The following STAG1 variants were observed in gnomAD, a reference collection of about 807,000 sequenced individuals.
STAG1 encodes the protein STAG1 cohesin complex component.
In STAG1, 26 loss-of-function variants were observed where a neutral mutation model predicts 170.9. That is an observed-to-expected ratio of 0.15 (90% confidence interval 0.11 to 0.21). STAG1 has a LOEUF of 0.21. Among genes scored for constraint, STAG1 ranks in the 10% least tolerant of loss-of-function variants. The pLI, the probability that STAG1 is intolerant of heterozygous loss-of-function variation, is 1.00. For synonymous variants in STAG1, 514 were observed against 497.7 expected, an observed-to-expected ratio of 1.03 and a Z score of -0.44; for missense variants, 964 against 1,509.5, an observed-to-expected ratio of 0.64 and a Z score of 5.99.
At chr3:136,613,498 A>AT (rs909604738) in intron 3 of STAG1, among the ~76,000 whole-genome samples, 4 of 151,844 alleles carry the variant, frequency 2.6e-5, no homozygotes, top group African/African-American at 9.7e-5. Context: ...GTTAATAATT[A>AT]TTTTTTAAGA....
intron 21 of STAG1, among the ~76,000 whole-genome samples, chr3:136,402,150 G>C (rs533591941): frequency 6.6e-6 from 1 of 152,192 alleles, no homozygotes; most frequent in East Asian, 1.9e-4. Context: ...TAAGTTAAAA[G>C]GAAAATCAAT....
intron 13 of STAG1, 69 bp downstream of exon 13, chr3:136,464,812 T>C: frequency 2.2e-6 from 3 of 1,346,814 alleles, no homozygotes; most frequent in South Asian, 1.3e-5. Context: ...TACTCTCTTC[T>C]ACAAACTCTA....
chr3:136,430,816 C>T (rs1010573386), intron 16 of STAG1, among the ~76,000 whole-genome samples: 13 of 123,252 alleles, frequency 1.1e-4, no homozygotes, highest in African/African-American at 4.1e-4. Context: ...GACACACACA[C>T]ACACACACAC....
intron 1 of STAG1, among the ~76,000 whole-genome samples, chr3:136,692,888 AG>A (rs1942773093): frequency 6.6e-6 from 1 of 152,196 alleles, no homozygotes; most frequent in Non-Finnish European, 1.5e-5. Context: ...GATTTCAATT[AG>A]GGATGTATTA....
intron 12 of STAG1, among the ~76,000 whole-genome samples, chr3:136,465,672 G>A (rs963642606): frequency 6.8e-6 from 1 of 146,290 alleles, no homozygotes. Flanking sequence ...CAAAGTATTA[G>A]AATGCATTCT....
intron 1 of STAG1, among the ~76,000 whole-genome samples, chr3:136,659,616 T>C (rs1238668369): frequency 3.9e-5 from 6 of 152,238 alleles, no homozygotes; most frequent in Admixed American, 3.9e-4. Context: ...AAAGGGCAAC[T>C]ACTTCGTAAT....
intron 1 of STAG1, among the ~76,000 whole-genome samples, chr3:136,716,164 C>T (rs1943535752): frequency 6.7e-6 from 1 of 148,722 alleles, no homozygotes; most frequent in Non-Finnish European, 1.5e-5. Flanking sequence ...TGGTTCATCT[C>T]ACTTAAGTCA....
intron 22 of STAG1, among the ~76,000 whole-genome samples, chr3:136,389,750 C>A (rs1296058042): frequency 1.3e-5 from 2 of 151,886 alleles, no homozygotes; most frequent in Admixed American, 6.6e-5. Context: ...AAACTCCTGA[C>A]CTCAGGTGAT....
chr3:136,586,385 G>T (rs1003171938), intron 4 of STAG1, among the ~76,000 whole-genome samples: 2 of 152,010 alleles, frequency 1.3e-5, no homozygotes, highest in African/African-American at 4.8e-5. Flanking sequence ...ATGATTTACG[G>T]GAAATCATGA....
intron 20 of STAG1, among the ~76,000 whole-genome samples, chr3:136,419,153 C>G (rs901302818): frequency 1.3e-5 from 2 of 152,050 alleles, no homozygotes; most frequent in Non-Finnish European, 2.9e-5. Flanking sequence ...CTCATGGGCT[C>G]TACTACTAAA....
chr3:136,715,050 TC>T (rs1943501431), intron 1 of STAG1, among the ~76,000 whole-genome samples: 1 of 144,056 alleles, frequency 6.9e-6, no homozygotes. Flanking sequence ...AGATAATTGT[TC>T]TTTTAGAGGA....
intron 6 of STAG1, among the ~76,000 whole-genome samples, chr3:136,524,398 T>C (rs2107913158): frequency 6.6e-6 from 1 of 152,318 alleles, no homozygotes; most frequent in South Asian, 2.1e-4. Flanking sequence ...TCTCTGTTTG[T>C]CTGTTACTGG....
chr3:136,635,267 C>T (rs1224845625), intron 1 of STAG1, among the ~76,000 whole-genome samples: 1 of 152,076 alleles, frequency 6.6e-6, no homozygotes, highest in Non-Finnish European at 1.5e-5. Context: ...AAGAATTTTA[C>T]ATGAAGACCA....
At chr3:136,401,279 T>TA (rs1211157925) in intron 21 of STAG1, among the ~76,000 whole-genome samples, 10 of 152,200 alleles carry the variant, frequency 6.6e-5, no homozygotes, top group Non-Finnish European at 1.3e-4. Flanking sequence ...AAAAATGTGG[T>TA]AAAAAACCTA....
At chr3:136,527,096 T>C (rs1935073876) in intron 6 of STAG1, among the ~76,000 whole-genome samples, 1 of 152,222 alleles carries the variant, frequency 6.6e-6, no homozygotes. Context: ...TCAAGGAGTA[T>C]CTTCATGACA....
intron 22 of STAG1, among the ~76,000 whole-genome samples, chr3:136,382,472 G>A (rs961648643): frequency 2.7e-5 from 4 of 148,452 alleles, no homozygotes; most frequent in African/African-American, 5.0e-5. Flanking sequence ...GCGCTATCTC[G>A]GCTCATTGCA....
At chr3:136,442,852 C>T (rs959325424) in intron 15 of STAG1, among the ~76,000 whole-genome samples, 1 of 152,048 alleles carries the variant, frequency 6.6e-6, no homozygotes, top group African/African-American at 2.4e-5. Flanking sequence ...CAGTAAGATC[C>T]CTGTCTCCAC....
chr3:136,703,884 C>T (rs1943149475), intron 1 of STAG1, among the ~76,000 whole-genome samples: 1 of 151,696 alleles, frequency 6.6e-6, no homozygotes, highest in Non-Finnish European at 1.5e-5. Context: ...TGGTGGCACA[C>T]ACCTATAGTC....
At chr3:136,507,994 C>T (rs1360248542) in intron 7 of STAG1, among the ~76,000 whole-genome samples, 1 of 152,086 alleles carries the variant, frequency 6.6e-6, no homozygotes, top group Non-Finnish European at 1.5e-5. Context: ...CTGACCTCAA[C>T]AGGAGAGGTA....
Sources: allele counts gnomAD v4.1 joint callset (sites outside exome capture counted in the v4.1 genomes callset), GRCh38; gene constraint gnomAD v4.1.1; transcripts MANE v1.5; gene names NCBI Gene and HGNC (gene_info 2026-07-23, HGNC 2026-07-21).